The following ETS1 variants were observed in gnomAD, a reference collection of about 807,000 sequenced individuals.
ETS1 encodes the protein ETS proto-oncogene 1, transcription factor, also known as protein C-ets-1.
A neutral mutation model predicts 58.6 loss-of-function variants in ETS1; 15 were observed. The ratio of observed to expected loss-of-function variants is 0.26; its 90% confidence interval spans 0.17 to 0.39. The LOEUF is 0.39. Ranked by LOEUF, ETS1 falls within the 10% of genes least tolerant of loss-of-function variation. The probability of loss-of-function intolerance (pLI) is 1.00; values close to 1 mark genes in which losing one functional copy is unlikely to be tolerated. For synonymous variants in ETS1, 214 were observed against 218.2 expected, an observed-to-expected ratio of 0.98 and a Z score of 0.17; for missense variants, 417 against 610.5, an observed-to-expected ratio of 0.68 and a Z score of 3.34.
At chr11:128,522,475 C>T in intron 3 of ETS1, 1 of 464,324 alleles carries the variant, frequency 2.2e-6, no homozygotes, top group Non-Finnish European at 2.8e-6. Context: ...GAGCCGGGGG[C>T]GGGGCCGAGC....
chr11:128,569,697 G>A (rs1166973017), intron 2 of ETS1, among the ~76,000 whole-genome samples: 1 of 152,104 alleles, frequency 6.6e-6, no homozygotes, highest in African/African-American at 2.4e-5. Context: ...ATACCAATAA[G>A]TGTTATTTAC....
At chr11:128,531,381 G>A (rs1192903267) in intron 3 of ETS1, among the ~76,000 whole-genome samples, 2 of 152,156 alleles carry the variant, frequency 1.3e-5, no homozygotes, top group Non-Finnish European at 2.9e-5. Flanking sequence ...ACCCTTCACT[G>A]CTATTATTGA....
intron 8 of ETS1, among the ~76,000 whole-genome samples, chr11:128,473,639 G>A (rs541422269): frequency 6.6e-6 from 1 of 152,292 alleles, no homozygotes; most frequent in East Asian, 1.9e-4. Flanking sequence ...TTCTCTACCT[G>A]CAGGCATCCC....
At chr11:128,488,921 T>C (rs1344216717) in intron 5 of ETS1, among the ~76,000 whole-genome samples, 1 of 152,052 alleles carries the variant, frequency 6.6e-6, no homozygotes, top group African/African-American at 2.4e-5. Context: ...TGTATTAAGA[T>C]TGCAGAAAAC....
chr11:128,525,174 T>C (rs1318368508), intron 3 of ETS1, among the ~76,000 whole-genome samples: 1 of 152,122 alleles, frequency 6.6e-6, no homozygotes, highest in East Asian at 1.9e-4. Context: ...AGTGCTGAAT[T>C]GCCTTACACT....
chr11:128,586,756 G>A (rs903345599), intron 1 of ETS1, among the ~76,000 whole-genome samples: 14 of 152,176 alleles, frequency 9.2e-5, no homozygotes, highest in African/African-American at 3.4e-4. Context: ...GACCTTTAAC[G>A]GTGGGTGAGG....
chr11:128,494,413 T>C (rs1264158786), intron 3 of ETS1, among the ~76,000 whole-genome samples: 1 of 152,202 alleles, frequency 6.6e-6, no homozygotes, highest in South Asian at 2.1e-4. Context: ...TTGCAGGAGA[T>C]TGCACAGTAT....
intron 3 of ETS1, among the ~76,000 whole-genome samples, chr11:128,493,174 C>T (rs183640787): frequency 2.7e-3 from 413 of 152,306 alleles, no homozygotes; most frequent in Non-Finnish European, 3.3e-3. Context: ...TAGGAGGCCC[C>T]CAGAATCTTC....
chr11:128,524,897 C>G (rs1011292829), intron 3 of ETS1, among the ~76,000 whole-genome samples: 1 of 152,088 alleles, frequency 6.6e-6, no homozygotes, highest in African/African-American at 2.4e-5. Context: ...ACCTCTATCC[C>G]CAGCACTCAC....
rs189047138 is a variant in ETS1, at chr11:128,573,132, C to A, written c.-2G>T. 2 of 1,582,572 alleles carry A rather than the reference C, an allele frequency of 1.3e-6. No homozygotes were observed. The highest frequency in any genetic ancestry group is 1.7e-6 in the Non-Finnish European group (2 of 1,164,032). ...AGCAGAATCCACAAAGTAGCTCATT[C>A]TGCTCTCAGCACCTGTGTGAGAGAA... is the stretch of plus-strand genomic sequence containing the variant. On this transcript the variant is annotated 5_prime_UTR_variant, in exon 2 of 10. Coordinates refer to ENST00000392668, the MANE Select transcript of ETS1 (RefSeq NM_001143820.2).
At chr11:128,541,117 G>A (rs1372017704) in intron 3 of ETS1, among the ~76,000 whole-genome samples, 1 of 152,158 alleles carries the variant, frequency 6.6e-6, no homozygotes, top group East Asian at 1.9e-4. Flanking sequence ...AGTCTCAACA[G>A]GACCATCCCT....
chr11:128,476,976 T>C (rs2135434008), intron 8 of ETS1, among the ~76,000 whole-genome samples: 1 of 152,354 alleles, frequency 6.6e-6, no homozygotes, highest in East Asian at 1.9e-4. Flanking sequence ...TTGATGCAAT[T>C]TTCTTATCTT....
At chr11:128,568,929 A>G (rs944844055) in intron 2 of ETS1, among the ~76,000 whole-genome samples, 1 of 152,246 alleles carries the variant, frequency 6.6e-6, no homozygotes, top group Admixed American at 6.5e-5. Flanking sequence ...ACACAGTCTT[A>G]CTTTCTTTTG....
rs1169409531 is a variant in ETS1, at chr11:128,460,892, C to T, written c.*1469G>A. 3.9e-5 allele frequency: 6 copies of T among 152,352 alleles called. No individual in the cohort carries two copies. 9.4% of individuals were successfully genotyped at this position (152,352 alleles called of 1,614,324 possible). A position where few individuals can be genotyped will look rare whatever the true frequency, so the allele number is the denominator to read the frequency against. ...ATCAGACCCAAGCAAGAGGCCCTGG[C>T]ATCACCTGTGCCATTCATTTTGCAT... On this transcript the variant is annotated 3_prime_UTR_variant, in exon 10 of 10. Transcript: ENST00000392668.
intron 1 of ETS1, among the ~76,000 whole-genome samples, chr11:128,584,419 G>T (rs796186812): frequency 6.6e-6 from 1 of 152,166 alleles, no homozygotes; most frequent in Non-Finnish European, 1.5e-5. Flanking sequence ...GAGTTAACAC[G>T]GTCATATGAC....
At position 128,489,360 on chromosome 11, in the gene ETS1, G is replaced by A. The variant is rs761068574; in HGVS notation, c.465C>T (p.Asp155=). The A allele has an allele frequency of 1.2e-6, 2 of 1,614,186 alleles. No individual in the cohort carries two copies. Among genetic ancestry groups the A allele is most frequent in the Non-Finnish European group, 8.5e-7 (1 of 1,180,030 alleles). ...NGAALCALGK[D]CFLELAPDFV... ...AGTCTGGGGCCAGCTCGAGAAAGCA[G>A]TCTTTACCCAGGGCGCAGAGGGCTG... Residue 155 remains aspartate (D), a synonymous_variant, in exon 5 of 10, where the codon GAC becomes GAT. Transcript: ENST00000392668.
chr11:128,462,190 C>T lies in ETS1; in HGVS notation c.*171G>A. On this transcript the variant is annotated 3_prime_UTR_variant, in exon 10 of 10. Coordinates refer to ENST00000392668, the MANE Select transcript of ETS1 (RefSeq NM_001143820.2). ...ACCCCACAAGTCCTGGCTTTCCTTT[C>T]CCAACTGCGCACAATTGATTACAGC... is the stretch of plus-strand genomic sequence containing the variant. The T allele has an allele frequency of 1.7e-6, 1 of 575,284 alleles. No homozygotes were observed. The highest frequency in any genetic ancestry group is 3.0e-6 in the Non-Finnish European group (1 of 329,558). The allele number at this position is 575,284 out of a possible 1,614,324, so 35.6% of individuals were successfully genotyped here. A position where few individuals can be genotyped will look rare whatever the true frequency, so the allele number is the denominator to read the frequency against.
In ETS1 at chr11:128,580,850, TC is replaced by T. The variant is rs1864856028; in HGVS notation, c.-15+6637del. ...CTTGCTTAAATGGAAATGAGTCATA[TC>T]CATCTCCTATTTCTCTAAAAATAAA... On this transcript the variant is annotated intron_variant, in intron 1 of 9. Transcript: ENST00000392668. Among the ~76,000 whole-genome samples the T allele has an allele frequency of 2.6e-5, 4 of 152,322 alleles. No homozygotes were observed. In the South Asian group the frequency reaches 8.3e-4, roughly 32 times the overall value.
rs753014562 is a variant in ETS1 at position 128,462,311 on chromosome 11, G to T, written c.*50C>A. On this transcript the variant is annotated 3_prime_UTR_variant, in exon 10 of 10. Transcript: ENST00000392668. ...TCAAAATTCAGAGTCCAACCAACAC[G>T]GCTGTCCTTGGAAGGTCTCAGCAGG... The T allele has an allele frequency of 2.9e-6, 4 of 1,395,664 alleles. No homozygotes were observed. The highest frequency in any genetic ancestry group is 2.3e-5 in the South Asian group (2 of 85,872). The allele number at this position is 1,395,664 out of a possible 1,614,324, so 86.5% of individuals were successfully genotyped here.
Sources: allele counts gnomAD v4.1 joint callset (sites outside exome capture counted in the v4.1 genomes callset), GRCh38; gene constraint gnomAD v4.1.1; transcripts MANE v1.5; gene names NCBI Gene and HGNC (gene_info 2026-07-23, HGNC 2026-07-21).